The following EGF variants were observed in gnomAD, a reference collection of about 807,000 sequenced individuals.
The protein encoded by EGF is pro-epidermal growth factor.
In EGF, 95 loss-of-function variants were observed where a neutral mutation model predicts 143.8. The observed-to-expected ratio is 0.66, with a 90% CI of 0.56 to 0.78. EGF has a LOEUF of 0.78. EGF is among the 30% of genes least tolerant of loss of function. The pLI, the probability that EGF is intolerant of heterozygous loss-of-function variation, is 0.00. For missense variants in EGF, 1,320 were observed against 1,470.9 expected, an observed-to-expected ratio of 0.90 and a Z score of 1.68; for synonymous variants, 510 against 510.5, an observed-to-expected ratio of 1.00 and a Z score of 0.01.
At chr4:110,003,726 G>A (rs1752877722) in intron 21 of EGF, among the ~76,000 whole-genome samples, 3 of 148,834 alleles carry the variant, frequency 2.0e-5, no homozygotes, top group Non-Finnish European at 4.4e-5. Context: ...ATGACGCCGT[G>A]TATAGACTTA....
chr4:109,918,254 G>GT (rs1317860741), intron 1 of EGF, among the ~76,000 whole-genome samples: 4 of 114,186 alleles, frequency 3.5e-5, no homozygotes, highest in African/African-American at 4.3e-5. Context: ...TGCTAGGTGT[G>GT]GTTTTTTTTT....
At chr4:109,975,870 C>A in intron 12 of EGF, 142 bp from the exon 13 acceptor site, 1 of 918,752 alleles carries the variant, frequency 1.1e-6, no homozygotes, top group Non-Finnish European at 1.7e-6. Flanking sequence ...GCCGAACATA[C>A]AGCGCTATCT....
At chr4:109,970,063 CTT>C (rs2126084945) in intron 11 of EGF, among the ~76,000 whole-genome samples, 1 of 152,230 alleles carries the variant, frequency 6.6e-6, no homozygotes, top group African/African-American at 2.4e-5. Context: ...GAGAGATGCT[CTT>C]TGTTTCCCTA....
At chr4:109,926,145 G>C (rs960504463) in intron 1 of EGF, among the ~76,000 whole-genome samples, 8 of 152,108 alleles carry the variant, frequency 5.3e-5, no homozygotes, top group African/African-American at 1.9e-4. Flanking sequence ...CTTGAGGCCA[G>C]AGTTTGTGAC....
intron 23 of EGF, among the ~76,000 whole-genome samples, chr4:110,009,966 G>A (rs1240132720): frequency 6.6e-6 from 1 of 152,176 alleles, no homozygotes; most frequent in African/African-American, 2.4e-5. Context: ...CAGGCACAGT[G>A]GCTCACACCT....
At chr4:109,941,171 T>C (rs1741866924) in intron 2 of EGF, 26 bp downstream of exon 2, 2 of 1,605,822 alleles carry the variant, frequency 1.2e-6, no homozygotes, top group South Asian at 2.2e-5. Flanking sequence ...CTACAGTGTT[T>C]GAGCTGTTTT....
chr4:109,917,079 C>T (rs765396332), intron 1 of EGF, among the ~76,000 whole-genome samples: 13 of 152,078 alleles, frequency 8.5e-5, no homozygotes, highest in Non-Finnish European at 1.3e-4. Flanking sequence ...CTCTGTTCGT[C>T]GGGTTTCTTA....
At chr4:109,970,015 A>G (rs1474966002) in intron 11 of EGF, among the ~76,000 whole-genome samples, 1 of 152,102 alleles carries the variant, frequency 6.6e-6, no homozygotes, top group East Asian at 1.9e-4. Context: ...GAGGGAGGAG[A>G]ACTTCAGCTG....
intron 3 of EGF, among the ~76,000 whole-genome samples, 194 bp from the exon 4 acceptor site, chr4:109,943,648 A>G (rs185468317): frequency 6.6e-6 from 1 of 152,100 alleles, no homozygotes; most frequent in Middle Eastern, 3.2e-3. Flanking sequence ...GTTTTCTGCT[A>G]TAGAGGCATA....
At chr4:109,979,819 G>T (rs1344845053) in intron 13 of EGF, among the ~76,000 whole-genome samples, 153 bp from the exon 14 acceptor site, 2 of 152,156 alleles carry the variant, frequency 1.3e-5, no homozygotes, top group African/African-American at 4.8e-5. Context: ...CCTTGAGGCA[G>T]GTGTGTGAGT....
At chr4:109,948,258 C>T (rs1743196091) in intron 5 of EGF, among the ~76,000 whole-genome samples, 2 of 152,202 alleles carry the variant, frequency 1.3e-5, no homozygotes, top group Non-Finnish European at 2.9e-5. Context: ...ATGCACTTCA[C>T]ACATACTCCA....
chr4:110,008,611 T>C lies in EGF; in HGVS notation c.3370+381T>C, dbSNP rs1343844101. Among the ~76,000 whole-genome samples the C allele has an allele frequency of 2.6e-5, 4 of 152,204 alleles. No individual in the cohort carries two copies. The East Asian group carries it at 7.7e-4, about 29-fold the overall frequency. On this transcript the variant is annotated intron_variant, in intron 23 of 23. Coordinates refer to ENST00000265171, the MANE Select transcript of EGF (RefSeq NM_001963.6). The stretch of plus-strand genomic sequence containing the variant: ...AATGGCTCCAAGAAAACATGTTCCA[T>C]GTTCAGCCCATCTAGTGGGAAGTGT...
rs1355948333 is a variant in EGF at position 109,963,184 on chromosome 4, C to A, written c.1324C>A (p.Pro442Thr). Reference protein sequence around the residue: ...DGKTCSGCSSPDNGGCSQLCV... With the variant: ...DGKTCSGCSSTDNGGCSQLCV... ...AATTGTTTTTGTAGGTTGTTCCTCA[C>A]CCGATAATGGTGGATGTAGCCAGCT... is the stretch of plus-strand genomic sequence containing the variant. The change falls in exon 9 of 24, where the codon CCC (proline) becomes ACC (threonine). Residue 442 changes from proline (P) to threonine (T), a missense_variant. Physicochemically the swap from Pro to Thr is conservative, Grantham distance 38 (BLOSUM62 -1). Transcript: ENST00000265171. 1 of 1,613,942 alleles carries A rather than the reference C, an allele frequency of 6.2e-7. No homozygotes were observed. Among genetic ancestry groups the A allele is most frequent in the East Asian group, 2.2e-5 (1 of 44,882 alleles).
chr4:109,963,064 CAAAA>C (rs61309548), intron 8 of EGF, 105 bp from the exon 9 acceptor site: 150 of 1,119,220 alleles, frequency 1.3e-4, no homozygotes, highest in African/African-American at 4.7e-4. Context: ...AACTCCATCT[CAAAA>C]AAAAAAAAAA....
intron 1 of EGF, among the ~76,000 whole-genome samples, chr4:109,917,127 C>T (rs1253313254): frequency 6.6e-6 from 1 of 152,160 alleles, no homozygotes. Flanking sequence ...CAAAAACAAG[C>T]CACTTGAAAG....
At chr4:109,974,495 G>A (rs1748167948) in intron 11 of EGF, among the ~76,000 whole-genome samples, 2 of 152,152 alleles carry the variant, frequency 1.3e-5, no homozygotes, top group Non-Finnish European at 2.9e-5. Context: ...AATTAAAAGT[G>A]TTTACAAATA....
intron 1 of EGF, among the ~76,000 whole-genome samples, chr4:109,921,537 C>G (rs1282521026): frequency 6.6e-6 from 1 of 151,474 alleles, no homozygotes; most frequent in Non-Finnish European, 1.5e-5. Context: ...ATGGTAGGCA[C>G]TAATTTATTT....
chr4:109,971,083 AT>A (rs1747576536), intron 11 of EGF, among the ~76,000 whole-genome samples: 1 of 152,148 alleles, frequency 6.6e-6, no homozygotes, highest in South Asian at 2.1e-4. Context: ...CAATTTAAAG[AT>A]TAAGAAAATT....
At chr4:109,981,084 C>T in intron 15 of EGF, 109 bp downstream of exon 15, 3 of 1,500,684 alleles carry the variant, frequency 2.0e-6, no homozygotes, top group South Asian at 2.3e-5. Context: ...GTTAAAAGTT[C>T]TCCTGTTTTT....
Sources: gnomAD v4.1 joint callset for allele counts (sites outside exome capture counted in the v4.1 genomes callset) on GRCh38, gnomAD v4.1.1 for gene constraint, MANE v1.5 for transcripts, NCBI Gene and HGNC (gene_info 2026-07-23, HGNC 2026-07-21) for gene names.